GDPD4: variants seen among roughly 807,000 people sequenced by gnomAD.
GDPD4 encodes glycerophosphodiester phosphodiesterase 6.
A neutral mutation model predicts 67.8 loss-of-function variants in GDPD4; 60 were observed. The ratio of observed to expected loss-of-function variants is 0.88; its 90% CI spans 0.72 to 1.10. The LOEUF (loss-of-function observed/expected upper bound fraction) is 1.10. Among genes scored for constraint, GDPD4 ranks in the 50% least tolerant of loss-of-function variants. The pLI, the probability that GDPD4 is intolerant of heterozygous loss-of-function variation, is 0.00. For synonymous variants in GDPD4, 212 were observed against 210.9 expected, an observed-to-expected ratio of 1.00 and a Z score of -0.04; for missense variants, 623 against 613.9, an observed-to-expected ratio of 1.01 and a Z score of -0.16.
At chr11:77,248,944 C>A (rs901967835) in intron 11 of GDPD4, among the ~76,000 whole-genome samples, 6 of 143,178 alleles carry the variant, frequency 4.2e-5, no homozygotes, top group Non-Finnish European at 9.0e-5. Context: ...CTAGGCTGGT[C>A]TCGAACTCAT....
At position 77,285,129 on chromosome 11, in the gene GDPD4, C is replaced by T. The variant is rs778195693; in HGVS notation, c.9G>A (p.Leu3=). Residue 3 remains leucine (L), a synonymous_variant, in exon 3 of 17, where the codon CTG becomes CTA. Transcript: ENST00000315938. ...CACTGGATGTTTCTATCCACAGGAA[C>T]AGCAACATCAGAGACAAGACAAATG... The part of the protein sequence containing the change: ML[L]FLWIETSSEY... 5 of 1,611,256 alleles carry T rather than the reference C, an allele frequency of 3.1e-6. No individual in the cohort carries two copies. The highest frequency in any genetic ancestry group is 1.7e-6 in the Non-Finnish European group (2 of 1,177,622).
intron 3 of GDPD4, 34 bp from the exon 4 acceptor site, chr11:77,279,433 T>C: frequency 2.2e-6 from 3 of 1,339,048 alleles, no homozygotes; most frequent in Non-Finnish European, 3.2e-6. Context: ...CTTAAAATAA[T>C]GCAGAAATCA....
rs1194771743 is a variant in GDPD4, at chr11:77,216,988, G to A, written c.*289C>T. On this transcript the variant is annotated 3_prime_UTR_variant, in exon 17 of 17. Transcript: ENST00000315938. The stretch of plus-strand genomic sequence containing the variant: ...GCATGGTTGGCTTATCCACCTTCAG[G>A]GTGGGCAATGTAGTTTGAAAGGTAG... The A allele has an allele frequency of 1.4e-6, 1 of 703,050 alleles. No individual in the cohort carries two copies. Among genetic ancestry groups the A allele is most frequent in the East Asian group, 2.7e-5 (1 of 37,284 alleles). The allele number at this position is 703,050 out of a possible 1,614,324, so 43.6% of individuals were successfully genotyped here. A position where few individuals can be genotyped will look rare whatever the true frequency, so the allele number is the denominator to read the frequency against.
Position 77,257,140 on chromosome 11 carries a change from G to A in GDPD4, c.864+1246C>T, listed in dbSNP as rs1265357106. Among the ~76,000 whole-genome samples the A allele has an allele frequency of 2.0e-5, 3 of 152,084 alleles. No individual in the cohort carries two copies. In the South Asian group the frequency reaches 6.2e-4, roughly 32 times the overall value. On this transcript the variant is annotated intron_variant, in intron 11 of 16. Transcript: ENST00000315938. ...GTATAAGTGAGCTATTACCACAGCT[G>A]ACCCTCACACCTTGCTATCTCTGCT...
At chr11:77,277,787 G>T (rs1350074811) in intron 4 of GDPD4, among the ~76,000 whole-genome samples, 1 of 151,676 alleles carries the variant, frequency 6.6e-6, no homozygotes, top group Admixed American at 6.6e-5. Flanking sequence ...GCTTTTGAAT[G>T]TGTTTGCTCT....
chr11:77,276,159 A>G lies in GDPD4; in HGVS notation c.207+2T>C, dbSNP rs1565538095. 16 of 1,611,686 alleles carry G rather than the reference A, an allele frequency of 9.9e-6. No homozygotes were observed. Among genetic ancestry groups the G allele is most frequent in the Non-Finnish European group, 1.3e-5 (15 of 1,177,806 alleles). On this transcript the variant is annotated splice_donor_variant, in intron 5 of 16. Transcript: ENST00000315938. LOFTEE classifies it high-confidence loss of function. Reference sequence around the variant, plus strand: ...TTTCCTATGTGGACTCAGATGTCCTACCTTATGACACAAGTGCAGGTATAG... The same window carrying G: ...TTTCCTATGTGGACTCAGATGTCCTGCCTTATGACACAAGTGCAGGTATAG...
chr11:77,273,388 T>C (rs1190636473), intron 5 of GDPD4, among the ~76,000 whole-genome samples: 1 of 152,198 alleles, frequency 6.6e-6, no homozygotes, highest in African/African-American at 2.4e-5. Context: ...ACCAAGGTAG[T>C]TAACTTCCAA....
At chr11:77,280,808 G>GTACT (rs1455466779) in intron 3 of GDPD4, among the ~76,000 whole-genome samples, 2 of 152,162 alleles carry the variant, frequency 1.3e-5, no homozygotes, top group African/African-American at 2.4e-5. Context: ...GTAAGTAACT[G>GTACT]TACTTACTGT....
In GDPD4 at chr11:77,243,800, G is replaced by C. The variant is rs1356984717; in HGVS notation, c.1135C>G (p.Pro379Ala). 6.2e-7 allele frequency: 1 copy of C among 1,613,786 alleles called. No individual in the cohort carries two copies. The change falls in exon 13 of 17, where the codon CCT (proline) becomes GCT (alanine). Residue 379 changes from proline (P) to alanine (A), a missense_variant. By Grantham distance (27) the Pro-to-Ala change is conservative. Transcript: ENST00000315938. ...AAACGGCCCACATGCTGAAAACCAG[G>C]AGCCACGGACCTGACGTATTGCCTA... is the stretch of plus-strand genomic sequence containing the variant. ...HDRQYVRSVA[P>A]GFQHVGRLVS...
chr11:77,263,439 A>T (rs1441873306), intron 10 of GDPD4, among the ~76,000 whole-genome samples: 2 of 152,124 alleles, frequency 1.3e-5, no homozygotes, highest in African/African-American at 4.8e-5. Flanking sequence ...CAACGACTGA[A>T]AAAAAAGAAA....
chr11:77,298,341 G>A (rs1793472), intron 1 of GDPD4, among the ~76,000 whole-genome samples: 29,183 of 151,980 alleles, frequency 0.19, 3,736 homozygotes, highest in Non-Finnish European at 0.27. Context: ...GTGAAACCCC[G>A]TTTCTACTAA....
intron 16 of GDPD4, chr11:77,224,342 G>A (rs1179088878): frequency 6.6e-6 from 1 of 152,224 alleles, no homozygotes. Flanking sequence ...CCTCAGGATA[G>A]TTACCTCTCT....
At chr11:77,249,965 T>C (rs1374458651) in intron 11 of GDPD4, among the ~76,000 whole-genome samples, 1 of 152,222 alleles carries the variant, frequency 6.6e-6, no homozygotes, top group Admixed American at 6.5e-5. Context: ...TTAATTTCCA[T>C]ATATTTGTAC....
At chr11:77,254,513 T>C (rs1384318582) in intron 11 of GDPD4, among the ~76,000 whole-genome samples, 2 of 152,232 alleles carry the variant, frequency 1.3e-5, no homozygotes, top group Non-Finnish European at 2.9e-5. Flanking sequence ...TAGTATTTTC[T>C]AGTTGAATAT....
chr11:77,249,788 A>T (rs11237151), intron 11 of GDPD4, among the ~76,000 whole-genome samples: 68 of 152,148 alleles, frequency 4.5e-4, no homozygotes, highest in Non-Finnish European at 6.6e-4. Context: ...AAATCTTTCT[A>T]CGTTTTTTGA....
chr11:77,237,222 C>T (rs1201489885), intron 13 of GDPD4, among the ~76,000 whole-genome samples: 1 of 152,138 alleles, frequency 6.6e-6, no homozygotes, highest in East Asian at 1.9e-4. Flanking sequence ...GAGTACATGT[C>T]CAATAAATAA....
chr11:77,273,282 T>A (rs1241092551), intron 5 of GDPD4, among the ~76,000 whole-genome samples: 3 of 152,098 alleles, frequency 2.0e-5, no homozygotes, highest in African/African-American at 7.2e-5. Context: ...AAAATGAAAC[T>A]CCAAGCCCCA....
chr11:77,233,262 T>A lies in GDPD4; in HGVS notation c.1242-90A>T, dbSNP rs1379493429. ...AACAGCCACCATGTTTGTGAAAGGC[T>A]GTTGCCTAAATCACCAGAAGCAGCT... On this transcript the variant is annotated intron_variant, in intron 13 of 16. Transcript: ENST00000315938. 2.3e-6 allele frequency: 3 copies of A among 1,303,628 alleles called. No individual in the cohort carries two copies. In the African/African-American group the frequency reaches 4.4e-5, roughly 19 times the overall value. 80.8% of individuals were successfully genotyped at this position (1,303,628 alleles called of 1,614,324 possible). A position where few individuals can be genotyped will look rare whatever the true frequency, so the allele number is the denominator to read the frequency against.
Position 77,219,294 on chromosome 11 carries a change from A to G in GDPD4, c.1526-1980T>C, listed in dbSNP as rs1160360349. 3.3e-5 allele frequency among the ~76,000 whole-genome samples: 5 copies of G among 152,198 alleles called. No individual in the cohort carries two copies. The East Asian group carries it at 9.6e-4, about 29-fold the overall frequency. ...ATTCCAGGTATTAGCCCTTTGTTAG[A>G]TGGGTAGATTGCAAAAATTTTCTCC... is the stretch of plus-strand genomic sequence containing the variant. On this transcript the variant is annotated intron_variant, in intron 16 of 16. Coordinates refer to ENST00000315938, the MANE Select transcript of GDPD4 (RefSeq NM_182833.3).
Sources: allele counts gnomAD v4.1 joint callset (sites outside exome capture counted in the v4.1 genomes callset), GRCh38; gene constraint gnomAD v4.1.1; transcripts MANE v1.5; gene names NCBI Gene and HGNC (gene_info 2026-07-23, HGNC 2026-07-21).